FOS: variants seen among roughly 807,000 people sequenced by gnomAD.
The protein encoded by FOS is Fos proto-oncogene, AP-1 transcription factor subunit, also known as protein c-Fos.
In FOS, 9 loss-of-function variants were observed where a neutral mutation model predicts 27.2. The observed-to-expected ratio is 0.33, with a 90% CI of 0.20 to 0.58. The LOEUF is 0.58. FOS is among the 20% of genes least tolerant of loss of function. The pLI is 0.87. For synonymous variants in FOS, 213 were observed against 205.1 expected (o/e 1.04, Z -0.33); for missense variants, 405 against 483.5 (o/e 0.84, Z 1.52).
At position 75,279,153 on chromosome 14, in the gene FOS, CG is replaced by C; in HGVS notation, c.141+35del. On this transcript the variant is annotated intron_variant, in intron 1 of 3. Transcript: ENST00000303562. This position sits in a 1 kb window ranked among gnomAD's most constrained non-coding sequence, Gnocchi z 5.4. ...GGCTGGCTTCCCGTCGCCGCGGGGC[CG>C]GGGGCTTGGGGTCGCGGAGGAGGAG... 6.2e-7 allele frequency: 1 copy of C among 1,610,014 alleles called. No homozygotes were observed.
At position 75,280,940 on chromosome 14, in the gene FOS, C is replaced by G. The variant is rs77389188; in HGVS notation, c.659C>G (p.Ser220Cys). The G allele has an allele frequency of 1.2e-6, 2 of 1,614,190 alleles. No individual in the cohort carries two copies. Among genetic ancestry groups the G allele is most frequent in the South Asian group, 2.2e-5 (2 of 91,088 alleles). The change falls in exon 4 of 4, where the codon TCC becomes TGC. Residue 220 changes from serine to cysteine, a missense_variant. Ser to Cys is a moderately radical substitution (Grantham distance 112). Coordinates refer to ENST00000303562, the MANE Select transcript of FOS (RefSeq NM_005252.4). ...LGFPEEMSVA[S>C]LDLTGGLPEV... ...TTCCCAGAAGAGATGTCTGTGGCTT[C>G]CCTTGATCTGACTGGGGGCCTGCCA...
chr14:75,280,025 G>A lies in FOS; in HGVS notation c.290G>A (p.Gly97Glu). Residue 97 changes from glycine (G) to glutamate (E), a missense_variant, in exon 2 of 4, where the codon GGA (glycine) becomes GAA (glutamate). Transcript: ENST00000303562. ...PSQTRAPHPF[G>E]VPAPSAGAYS... ...CAGACCAGAGCCCCTCACCCTTTCG[G>A]AGTCCCCGCCCCCTCCGCTGGGGCT... is the stretch of plus-strand genomic sequence containing the variant. 1 of 1,614,128 alleles carries A rather than the reference G, an allele frequency of 6.2e-7. No individual in the cohort carries two copies. The highest frequency in any genetic ancestry group is 8.5e-7 in the Non-Finnish European group (1 of 1,180,022).
chr14:75,280,696 A>G, intron 3 of FOS, 29 bp downstream of exon 3: 5 of 1,522,938 alleles, frequency 3.3e-6, no homozygotes, highest in Non-Finnish European at 4.4e-6. Flanking sequence ...GCTCCTTTTT[A>G]AAACTTAAGG....
chr14:75,280,261 G>A, intron 2 of FOS, 133 bp downstream of exon 2: 1 of 1,229,558 alleles, frequency 8.1e-7, no homozygotes, highest in South Asian at 1.3e-5. Context: ...GGGAGCCCTG[G>A]CTCCAAGCCC....
At chr14:75,280,279 C>T in intron 2 of FOS, 151 bp downstream of exon 2, 2 of 1,028,816 alleles carry the variant, frequency 1.9e-6, no homozygotes, top group Non-Finnish European at 2.9e-6. Context: ...CCCATTCCAT[C>T]CCAACTCAGA....
Position 75,279,677 on chromosome 14 carries a change from A to G in FOS, c.142-200A>G, listed in dbSNP as rs1712391371. 1 of 616,926 alleles carries G rather than the reference A, an allele frequency of 1.6e-6. No homozygotes were observed. 38.2% of individuals were successfully genotyped at this position (616,926 alleles called of 1,614,324 possible). The stretch of plus-strand genomic sequence containing the variant: ...GGGATAACGGGAACGCAGCGGCAGG[A>G]TGGAAGAGACAGGCACTGCGCTGCG... On this transcript the variant is annotated intron_variant, in intron 1 of 3. Coordinates refer to ENST00000303562, the MANE Select transcript of FOS (RefSeq NM_005252.4). The surrounding 1 kb of genome is among the most constrained non-coding windows in gnomAD (Gnocchi z 5.4).
rs1164295187 is a variant in FOS, at chr14:75,281,254, A to C, written c.973A>C (p.Thr325Pro). The C allele has an allele frequency of 6.8e-6, 11 of 1,611,858 alleles. No individual in the cohort carries two copies. Among genetic ancestry groups the C allele is most frequent in the Non-Finnish European group, 9.3e-6 (11 of 1,179,968 alleles). ...PMATELEPLCTPVVTCTPSCT... is the reference protein window; with the variant it reads ...PMATELEPLCPPVVTCTPSCT... The stretch of plus-strand genomic sequence containing the variant: ...GGCCACAGAGCTGGAGCCCCTGTGC[A>C]CTCCGGTGGTCACCTGTACTCCCAG... Residue 325 changes from threonine (T) to proline (P), a missense_variant, in exon 4 of 4, where the codon ACT becomes CCT. Physicochemically the swap from Thr to Pro is conservative, Grantham distance 38 (BLOSUM62 -1). Transcript: ENST00000303562. The surrounding 1 kb of genome is among the most constrained non-coding windows in gnomAD (Gnocchi z 4.7).
chr14:75,280,149 C>G, intron 2 of FOS, 21 bp downstream of exon 2: 1 of 1,613,432 alleles, frequency 6.2e-7, no homozygotes, highest in South Asian at 1.1e-5. Flanking sequence ...CTAGCGTACT[C>G]TTCCTGGGAA....
At position 75,281,237 on chromosome 14, in the gene FOS, A is replaced by T. The variant is rs747045612; in HGVS notation, c.956A>T (p.Glu319Val). The T allele has an allele frequency of 6.2e-7, 1 of 1,612,712 alleles. No individual in the cohort carries two copies. Among genetic ancestry groups the T allele is most frequent in the Non-Finnish European group, 8.5e-7 (1 of 1,179,990 alleles). ...CTGGGGATGGGGCCCATGGCCACAG[A>T]GCTGGAGCCCCTGTGCACTCCGGTG... is the stretch of plus-strand genomic sequence containing the variant. ...GSLGMGPMAT[E>V]LEPLCTPVVT... is the part of the protein sequence containing the mutation. Residue 319 changes from glutamate (E) to valine (V), a missense_variant, in exon 4 of 4, where the codon GAG becomes GTG. Coordinates refer to ENST00000303562, the MANE Select transcript of FOS (RefSeq NM_005252.4). This position sits in a 1 kb window ranked among gnomAD's most constrained non-coding sequence, Gnocchi z 4.7.
At position 75,281,136 on chromosome 14, in the gene FOS, A is replaced by G. The variant is rs1897225199; in HGVS notation, c.855A>G (p.Thr285=). 1 of 1,609,698 alleles carries G rather than the reference A, an allele frequency of 6.2e-7. No homozygotes were observed. Among genetic ancestry groups the G allele is most frequent in the African/African-American group, 1.3e-5 (1 of 74,932 alleles). Residue 285 remains threonine (T), a synonymous_variant, in exon 4 of 4, where the codon ACA becomes ACG. Transcript: ENST00000303562. This position sits in a 1 kb window ranked among gnomAD's most constrained non-coding sequence, Gnocchi z 4.7. ...CATCCAGGCCCAGTGGCTCTGAGAC[A>G]GCCCGCTCCGTGCCAGACATGGACC... ...PASSRPSGSE[T]ARSVPDMDLS...
chr14:75,280,592 C>T lies in FOS; in HGVS notation c.426C>T (p.Ile142=). ...LSPEEEEKRR[I]RRERNKMAAA... ...CAGAAGAAGAAGAGAAAAGGAGAAT[C>T]CGAAGGGAAAGGAATAAGATGGCTG... Residue 142 remains isoleucine, a synonymous_variant, in exon 3 of 4, where the codon ATC becomes ATT. Transcript: ENST00000303562. 1.2e-6 allele frequency: 2 copies of T among 1,613,960 alleles called. No individual in the cohort carries two copies. Among genetic ancestry groups the T allele is most frequent in the South Asian group, 2.2e-5 (2 of 91,068 alleles).
Position 75,279,147 on chromosome 14 carries a change from CG to C in FOS, c.141+28del. On this transcript the variant is annotated intron_variant, in intron 1 of 3. Coordinates refer to ENST00000303562, the MANE Select transcript of FOS (RefSeq NM_005252.4). This position sits in a 1 kb window ranked among gnomAD's most constrained non-coding sequence, Gnocchi z 5.4. ...AGGTAAGGCTGGCTTCCCGTCGCCG[CG>C]GGGCCGGGGGCTTGGGGTCGCGGAG... 6.2e-7 allele frequency: 1 copy of C among 1,610,816 alleles called. No individual in the cohort carries two copies. Among genetic ancestry groups the C allele is most frequent in the South Asian group, 1.1e-5 (1 of 91,072 alleles).
At position 75,281,524 on chromosome 14, in the gene FOS, A is replaced by AG; in HGVS notation, c.*101dup. On this transcript the variant is annotated 3_prime_UTR_variant, in exon 4 of 4. Coordinates refer to ENST00000303562, the MANE Select transcript of FOS (RefSeq NM_005252.4). This position sits in a 1 kb window ranked among gnomAD's most constrained non-coding sequence, Gnocchi z 4.7. ...CACATCTTCCCTAGAGGGTTCCTGT[A>AG]GACCTAGGGAGGACCTTATCTGTGC... is the stretch of plus-strand genomic sequence containing the variant. 2.3e-6 allele frequency: 3 copies of AG among 1,289,642 alleles called. No individual in the cohort carries two copies. Among genetic ancestry groups the AG allele is most frequent in the Non-Finnish European group, 3.2e-6 (3 of 946,094 alleles). The allele number at this position is 1,289,642 out of a possible 1,614,324, so 79.9% of individuals were successfully genotyped here.
rs771592924 is a variant in FOS, at chr14:75,279,229, G to A, written c.141+106G>A. On this transcript the variant is annotated intron_variant, in intron 1 of 3. Transcript: ENST00000303562. This position sits in a 1 kb window ranked among gnomAD's most constrained non-coding sequence, Gnocchi z 5.4. The stretch of plus-strand genomic sequence containing the variant: ...ATGAGTAGGGGGCTCCCTTGTGCCT[G>A]GAGGGAGGCTGCCGTGGCCGGAGCG... 1.1e-4 allele frequency: 165 copies of A among 1,466,168 alleles called. No individual in the cohort carries two copies. Among genetic ancestry groups the A allele is most frequent in the Non-Finnish European group, 1.5e-4 (159 of 1,078,096 alleles). The allele number at this position is 1,466,168 out of a possible 1,614,324, so 90.8% of individuals were successfully genotyped here.
Position 75,279,151 on chromosome 14 carries a change from G to A in FOS, c.141+28G>A, listed in dbSNP as rs925161288. ...AAGGCTGGCTTCCCGTCGCCGCGGG[G>A]CCGGGGGCTTGGGGTCGCGGAGGAG... On this transcript the variant is annotated intron_variant, in intron 1 of 3. Transcript: ENST00000303562. The surrounding 1 kb of genome is among the most constrained non-coding windows in gnomAD (Gnocchi z 5.4). The A allele has an allele frequency of 6.2e-7, 1 of 1,610,452 alleles. No homozygotes were observed.
In FOS at chr14:75,281,133, G is replaced by A. The variant is rs1212048823; in HGVS notation, c.852G>A (p.Glu284=). The change falls in exon 4 of 4, where the codon GAG becomes GAA. Residue 284 remains glutamate, a synonymous_variant. Coordinates refer to ENST00000303562, the MANE Select transcript of FOS (RefSeq NM_005252.4). The surrounding 1 kb of genome is among the most constrained non-coding windows in gnomAD (Gnocchi z 4.7). ...CATCATCCAGGCCCAGTGGCTCTGA[G>A]ACAGCCCGCTCCGTGCCAGACATGG... ...FPASSRPSGS[E]TARSVPDMDL... is the part of the protein sequence containing the mutation. The A allele has an allele frequency of 6.8e-6, 11 of 1,609,606 alleles. No individual in the cohort carries two copies. Among genetic ancestry groups the A allele is most frequent in the Non-Finnish European group, 9.3e-6 (11 of 1,180,024 alleles).
Position 75,279,340 on chromosome 14 carries a change from C to A in FOS, c.141+217C>A, listed in dbSNP as rs993807015. 3.2e-6 allele frequency: 2 copies of A among 628,204 alleles called. No homozygotes were observed. Among genetic ancestry groups the A allele is most frequent in the South Asian group, 1.9e-5 (1 of 51,804 alleles). 38.9% of individuals were successfully genotyped at this position (628,204 alleles called of 1,614,324 possible). A position where few individuals can be genotyped will look rare whatever the true frequency, so the allele number is the denominator to read the frequency against. ...TGGTTCCCCCTTCGGGAGGCAGGTT[C>A]GTTCTGAGCAACCTCTGGTCTGCAC... On this transcript the variant is annotated intron_variant, in intron 1 of 3. Transcript: ENST00000303562. The surrounding 1 kb of genome is among the most constrained non-coding windows in gnomAD (Gnocchi z 5.4).
chr14:75,281,305 G>C lies in FOS; in HGVS notation c.1024G>C (p.Val342Leu). 1 of 1,609,910 alleles carries C rather than the reference G, an allele frequency of 6.2e-7. No homozygotes were observed. The highest frequency in any genetic ancestry group is 8.5e-7 in the Non-Finnish European group (1 of 1,179,992). ...CTGCACTGCTTACACGTCTTCCTTCGTCTTCACCTACCCCGAGGCTGACTC... is the reference window on the plus strand; with the variant it reads ...CTGCACTGCTTACACGTCTTCCTTCCTCTTCACCTACCCCGAGGCTGACTC... ...PSCTAYTSSF[V>L]FTYPEADSFP... Residue 342 changes from valine to leucine, a missense_variant, in exon 4 of 4, where the codon GTC (valine) becomes CTC (leucine). Physicochemically the swap from Val to Leu is conservative, Grantham distance 32. Coordinates refer to ENST00000303562, the MANE Select transcript of FOS (RefSeq NM_005252.4). This position sits in a 1 kb window ranked among gnomAD's most constrained non-coding sequence, Gnocchi z 4.7.
At position 75,279,775 on chromosome 14, in the gene FOS, G is replaced by C; in HGVS notation, c.142-102G>C. The C allele has an allele frequency of 7.5e-7, 1 of 1,328,900 alleles. No individual in the cohort carries two copies. The highest frequency in any genetic ancestry group is 1.0e-6 in the Non-Finnish European group (1 of 964,508). 82.3% of individuals were successfully genotyped at this position (1,328,900 alleles called of 1,614,324 possible). A position where few individuals can be genotyped will look rare whatever the true frequency, so the allele number is the denominator to read the frequency against. ...CATTTAAGATGAAATGTCCGTGGCAGGATCGTTTCTCTTCACTGCTGCATG... is the reference window on the plus strand; with the variant it reads ...CATTTAAGATGAAATGTCCGTGGCACGATCGTTTCTCTTCACTGCTGCATG... On this transcript the variant is annotated intron_variant, in intron 1 of 3. Transcript: ENST00000303562. The surrounding 1 kb of genome is among the most constrained non-coding windows in gnomAD (Gnocchi z 5.4).
Sources: gnomAD v4.1 joint callset for allele counts on GRCh38, gnomAD v4.1.1 for gene constraint, Gnocchi (gnomAD v3.1) non-coding constraint, MANE v1.5 for transcripts, NCBI Gene and HGNC (gene_info 2026-07-23, HGNC 2026-07-21) for gene names.